Variants in DPP6 observed in about 807,000 individuals in gnomAD.
DPP6 encodes A-type potassium channel modulatory protein DPP6.
In DPP6, 69 loss-of-function variants were observed where a neutral mutation model predicts 122.6. The observed-to-expected ratio is 0.56, with a 90% confidence interval of 0.46 to 0.69. DPP6 has a LOEUF of 0.69. Among genes scored for constraint, DPP6 ranks in the 30% least tolerant of loss-of-function variants. The pLI is 0.00. For synonymous variants in DPP6, 418 were observed against 433.1 expected (o/e 0.97, Z 0.43); for missense variants, 928 against 1,116.9 (o/e 0.83, Z 2.41).
intron 1 of DPP6, among the ~76,000 whole-genome samples, chr7:154,189,216 C>A (rs189513698): frequency 1.7e-4 from 26 of 152,272 alleles, no homozygotes; most frequent in African/African-American, 6.3e-4. Flanking sequence ...CACAACCAAC[C>A]AACCAGGATA....
At chr7:154,769,964 CT>C (rs939978610) in intron 9 of DPP6, among the ~76,000 whole-genome samples, 17 of 152,110 alleles carry the variant, frequency 1.1e-4, no homozygotes, top group African/African-American at 3.9e-4. Context: ...CTGGGCAAGG[CT>C]GTTTTGTTCA....
intron 1 of DPP6, chr7:154,057,706 T>G (rs1392242472): frequency 6.6e-6 from 1 of 150,418 alleles, no homozygotes; most frequent in Non-Finnish European, 1.5e-5. Context: ...CCGGAACCTT[T>G]GAAATGGGGA....
the DPP6 span, among the ~76,000 whole-genome samples, chr7:153,822,583 G>A: frequency 6.6e-6 from 1 of 152,154 alleles, no homozygotes; most frequent in Non-Finnish European, 1.5e-5. Flanking sequence ...GTAAAAGCAG[G>A]TGGCATTTCT....
At chr7:154,187,518 T>G (rs1161372311) in intron 1 of DPP6, among the ~76,000 whole-genome samples, 1 of 152,184 alleles carries the variant, frequency 6.6e-6, no homozygotes, top group Non-Finnish European at 1.5e-5. Flanking sequence ...CTGGAAGAGC[T>G]CCTTTAAATT....
At chr7:154,868,868 C>A (rs1235140776) in intron 18 of DPP6, among the ~76,000 whole-genome samples, 2 of 152,234 alleles carry the variant, frequency 1.3e-5, no homozygotes, top group African/African-American at 4.8e-5. Context: ...CTGTCCCGCT[C>A]CAGACTTCCC....
chr7:154,037,132 T>A (rs933923890), intron 1 of DPP6, among the ~76,000 whole-genome samples: 18 of 152,166 alleles, frequency 1.2e-4, no homozygotes, highest in African/African-American at 3.6e-4. Context: ...TCATGTTAAT[T>A]ATAAAATCAG....
At chr7:154,387,465 C>T (rs1482285742) in intron 1 of DPP6, among the ~76,000 whole-genome samples, 1 of 152,202 alleles carries the variant, frequency 6.6e-6, no homozygotes, top group Admixed American at 6.5e-5. Flanking sequence ...GAGGAGACAT[C>T]CAAGCCAAGG....
intron 8 of DPP6, among the ~76,000 whole-genome samples, chr7:154,749,361 G>A (rs62475816): frequency 0.049 from 4,984 of 102,566 alleles, 15 homozygotes; most frequent in East Asian, 0.16. Flanking sequence ...TTTACTGAGA[G>A]AGGGTGAGAG....
chr7:154,635,510 T>A (rs1478330551), intron 5 of DPP6, among the ~76,000 whole-genome samples: 1 of 152,240 alleles, frequency 6.6e-6, no homozygotes. Flanking sequence ...TAAATCTGAT[T>A]TTAAAATTAT....
chr7:154,095,455 ATC>A (rs1170235364), intron 1 of DPP6: 2 of 142,814 alleles, frequency 1.4e-5, no homozygotes, highest in Non-Finnish European at 3.1e-5. Context: ...GCTTGGAGAT[ATC>A]TCTGCCTGTG....
chr7:154,466,916 TA>T (rs1158940871), intron 2 of DPP6, among the ~76,000 whole-genome samples: 3 of 152,180 alleles, frequency 2.0e-5, no homozygotes, highest in African/African-American at 7.2e-5. Flanking sequence ...TCCCAAATTT[TA>T]ACACTGAAAT....
rs1799274520 is a variant in DPP6, at chr7:154,814,257, C to G, written c.1666+7145C>G. Among the ~76,000 whole-genome samples, 3 of 152,172 alleles carry G rather than the reference C, an allele frequency of 2.0e-5. No individual in the cohort carries two copies. In the South Asian group the frequency reaches 6.2e-4, roughly 31 times the overall value. On this transcript the variant is annotated intron_variant, in intron 16 of 25. Coordinates refer to ENST00000377770, the MANE Select transcript of DPP6 (RefSeq NM_130797.4). ...TTTCTGATTCCTTGAAATTTATATT[C>G]TAGCGTAAATATATCTACTTAGAAT...
rs1226706848 is a variant in DPP6, at chr7:154,794,112, C to CAGCA, written c.1171_1174dup (p.Thr392LysfsTer35). The CAGCA allele has an allele frequency of 9.3e-6, 15 of 1,613,722 alleles. No individual in the cohort carries two copies. The highest frequency in any genetic ancestry group is 1.1e-5 in the Non-Finnish European group (13 of 1,179,758). ...ACATCACCATGGTGAAGTGGGCCAC[C>CAGCA]AGCACCAAGGTCGCCGTGACCTGGC... On this transcript the variant is annotated frameshift_variant, in exon 11 of 26. Transcript: ENST00000377770. LOFTEE classifies it high-confidence loss of function.
intron 1 of DPP6, among the ~76,000 whole-genome samples, chr7:154,410,723 T>C (rs1816526019): frequency 6.6e-6 from 1 of 152,248 alleles, no homozygotes; most frequent in Non-Finnish European, 1.5e-5. Context: ...TTAATTTTAC[T>C]GTTAATAAGC....
chr7:154,195,342 C>A (rs1006893675), intron 1 of DPP6, among the ~76,000 whole-genome samples: 3 of 152,164 alleles, frequency 2.0e-5, no homozygotes, highest in Non-Finnish European at 4.4e-5. Flanking sequence ...AAGGGCCGCT[C>A]CAGGAGCCCA....
In DPP6 at chr7:154,312,534, G is replaced by A. The variant is rs183455803; in HGVS notation, c.244-133680G>A. 6.6e-5 allele frequency among the ~76,000 whole-genome samples: 10 copies of A among 152,312 alleles called. No individual in the cohort carries two copies. The East Asian group carries it at 9.6e-4, about 15-fold the overall frequency. On this transcript the variant is annotated intron_variant, in intron 1 of 25. Coordinates refer to ENST00000377770, the MANE Select transcript of DPP6 (RefSeq NM_130797.4). ...TGCTTTCCCCAGTGTGGAACTGCACGAGACTCAAGCGTCACCTCGAGCTGC... is the reference window on the plus strand; with the variant it reads ...TGCTTTCCCCAGTGTGGAACTGCACAAGACTCAAGCGTCACCTCGAGCTGC...
intron 1 of DPP6, among the ~76,000 whole-genome samples, chr7:154,272,973 C>T (rs1803891472): frequency 6.6e-6 from 1 of 152,184 alleles, no homozygotes; most frequent in African/African-American, 2.4e-5. Context: ...GTGGGATTCA[C>T]ACATTATCAA....
intron 8 of DPP6, among the ~76,000 whole-genome samples, chr7:154,729,097 T>C (rs1842210105): frequency 6.6e-6 from 1 of 152,204 alleles, no homozygotes; most frequent in Admixed American, 6.5e-5. Context: ...GGAATATTTA[T>C]TGGGGAAAGG....
At chr7:154,648,248 A>G (rs1202010337) in intron 6 of DPP6, among the ~76,000 whole-genome samples, 1 of 121,108 alleles carries the variant, frequency 8.3e-6, no homozygotes, top group Non-Finnish European at 1.8e-5. Context: ...AGCCTGGGCA[A>G]CAAGAGCAAA....
Sources: allele counts gnomAD v4.1 joint callset (sites outside exome capture counted in the v4.1 genomes callset), GRCh38; gene constraint gnomAD v4.1.1; transcripts MANE v1.5; gene names NCBI Gene and HGNC (gene_info 2026-07-23, HGNC 2026-07-21).